SNRPD3: variants seen among roughly 807,000 people sequenced by gnomAD.
SNRPD3 encodes small nuclear ribonucleoprotein Sm D3.
For synonymous variants in SNRPD3, 66 were observed against 58.4 expected, an observed-to-expected ratio of 1.13 and a Z score of -0.59; for missense variants, 73 against 167.5, an observed-to-expected ratio of 0.44 and a Z score of 3.11.
At chr22:24,567,878 C>A in intron 2 of SNRPD3, 106 bp from the exon 3 acceptor site, 1 of 811,006 alleles carries the variant, frequency 1.2e-6, no homozygotes, top group Non-Finnish European at 2.0e-6. Flanking sequence ...CCAGCTTTGT[C>A]ACAATGTCAG....
intron 1 of SNRPD3, among the ~76,000 whole-genome samples, chr22:24,557,029 G>C (rs1033789301): frequency 3.9e-5 from 6 of 152,306 alleles, no homozygotes; most frequent in Middle Eastern, 3.4e-3. Flanking sequence ...TAAAAGTACA[G>C]CCTGCTCTCC....
At position 24,574,911 on chromosome 22, in the gene SNRPD3, A is replaced by C. The variant is rs2045277380; in HGVS notation, c.*2934A>C. ...TCTCACCCATCTCCCTGATATTGTA[A>C]TTCTGGTTAGATCATATTCAGTGTC... On this transcript the variant is annotated 3_prime_UTR_variant, in exon 4 of 4. Transcript: ENST00000215829. 6.6e-6 allele frequency among the ~76,000 whole-genome samples: 1 copy of C among 152,154 alleles called. No individual in the cohort carries two copies. The highest frequency in any genetic ancestry group is 1.5e-5 in the Non-Finnish European group (1 of 68,022).
At chr22:24,557,573 C>A in intron 1 of SNRPD3, 84 bp from the exon 2 acceptor site, 1 of 935,242 alleles carries the variant, frequency 1.1e-6, no homozygotes, top group Non-Finnish European at 1.7e-6. Context: ...TTATGGAGTG[C>A]CAGGCCTTAA....
At position 24,556,025 on chromosome 22, in the gene SNRPD3, A is replaced by G. The variant is rs1241357344; in HGVS notation, c.-65A>G. 7.9e-6 allele frequency: 5 copies of G among 630,198 alleles called. No individual in the cohort carries two copies. The highest frequency in any genetic ancestry group is 1.4e-5 in the Non-Finnish European group (5 of 363,322). The allele number at this position is 630,198 out of a possible 1,614,324, so 39.0% of individuals were successfully genotyped here. ...TTCGCTTGACTCACGCCTTCGCCGT[A>G]GCATCTTTCGCAGCGGACCGAAGAG... On this transcript the variant is annotated 5_prime_UTR_variant, in exon 1 of 4. Coordinates refer to ENST00000215829, the MANE Select transcript of SNRPD3 (RefSeq NM_004175.5).
At chr22:24,559,105 G>A (rs2045108279) in intron 2 of SNRPD3, among the ~76,000 whole-genome samples, 1 of 152,140 alleles carries the variant, frequency 6.6e-6, no homozygotes, top group Non-Finnish European at 1.5e-5. Flanking sequence ...TTTTCCAGAT[G>A]AGAAGGTCAG....
At chr22:24,561,327 G>C (rs906794573) in intron 2 of SNRPD3, among the ~76,000 whole-genome samples, 1 of 152,028 alleles carries the variant, frequency 6.6e-6, no homozygotes, top group Admixed American at 6.6e-5. Flanking sequence ...TGCTGCCTCA[G>C]TCTCTCAAAC....
intron 3 of SNRPD3, among the ~76,000 whole-genome samples, chr22:24,570,966 A>G (rs1814303596): frequency 6.6e-6 from 1 of 151,932 alleles, no homozygotes; most frequent in Non-Finnish European, 1.5e-5. Flanking sequence ...TTACAGGCGC[A>G]TACCACCACG....
intron 1 of SNRPD3, among the ~76,000 whole-genome samples, chr22:24,556,871 C>T (rs2045076384): frequency 6.6e-6 from 1 of 152,242 alleles, no homozygotes; most frequent in Non-Finnish European, 1.5e-5. Context: ...ATAAAAAGTT[C>T]ACTGCTTGAT....
intron 3 of SNRPD3, among the ~76,000 whole-genome samples, chr22:24,568,928 T>TGA (rs1274246848): frequency 1.3e-5 from 2 of 152,174 alleles, no homozygotes; most frequent in African/African-American, 4.8e-5. Context: ...AGGCTGGTCT[T>TGA]GAAGTCCTGA....
Position 24,561,064 on chromosome 22 carries a change from C to CTTTTTTTTTTTTTTTTTTTTTTTTTTT in SNRPD3, c.126+3289_126+3290insTTTTTTTTTTTTTTTTTTTTTTTTTTT, listed in dbSNP as rs1164120857. On this transcript the variant is annotated intron_variant, in intron 2 of 3. Transcript: ENST00000215829. The stretch of plus-strand genomic sequence containing the variant: ...TTTTTTTTCTTTTCCTTTTTCTTTT[C>CTTTTTTTTTTTTTTTTTTTTTTTTTTT]TTTTTTTTTTTTTTTTTTTTTTTTT... Among the ~76,000 whole-genome samples the CTTTTTTTTTTTTTTTTTTTTTTTTTTT allele has an allele frequency of 6.8e-4, 42 of 61,686 alleles. 2 individuals carry two copies. The highest frequency in any genetic ancestry group is 2.5e-3 in the African/African-American group (33 of 13,074). The allele number at this position is 61,686 out of a possible 152,430, so 40.5% of individuals were successfully genotyped here.
chr22:24,555,952 C>T (rs1601561193), upstream of SNRPD3: 5 of 992,828 alleles, frequency 5.0e-6, no homozygotes, highest in Non-Finnish European at 7.3e-6. Flanking sequence ...GCGGGCCCTG[C>T]GCGCAGCATT....
At chr22:24,570,975 C>T (rs996925172) in intron 3 of SNRPD3, among the ~76,000 whole-genome samples, 21 of 152,016 alleles carry the variant, frequency 1.4e-4, no homozygotes, top group African/African-American at 4.8e-4. Context: ...CATACCACCA[C>T]GTGCAGCTAA....
intron 2 of SNRPD3, among the ~76,000 whole-genome samples, chr22:24,562,400 C>T (rs951220087): frequency 6.6e-6 from 1 of 152,018 alleles, no homozygotes; most frequent in African/African-American, 2.4e-5. Flanking sequence ...AAAAATTAGC[C>T]AGGTGTGGTG....
Position 24,568,008 on chromosome 22 carries a change from A to C in SNRPD3, c.151A>C (p.Arg51=). 1 of 1,610,524 alleles carries C rather than the reference A, an allele frequency of 6.2e-7. No homozygotes were observed. The highest frequency in any genetic ancestry group is 8.5e-7 in the Non-Finnish European group (1 of 1,178,572). Reference sequence around the variant, plus strand: ...GATGTCCAACATCACAGTCACATACAGAGATGGCCGAGTGGCACAGCTGGA... The same window carrying C: ...GATGTCCAACATCACAGTCACATACCGAGATGGCCGAGTGGCACAGCTGGA... The part of the protein sequence containing the change: ...CQMSNITVTY[R]DGRVAQLEQV... Residue 51 remains arginine (R), a synonymous_variant, in exon 3 of 4, where the codon AGA becomes CGA. Transcript: ENST00000215829.
At chr22:24,559,794 C>T (rs2045115306) in intron 2 of SNRPD3, among the ~76,000 whole-genome samples, 1 of 152,064 alleles carries the variant, frequency 6.6e-6, no homozygotes, top group Non-Finnish European at 1.5e-5. Flanking sequence ...GCTAGTGCTA[C>T]CATAACAAAG....
chr22:24,570,342 AG>A (rs1302424331), intron 3 of SNRPD3, among the ~76,000 whole-genome samples: 9 of 152,230 alleles, frequency 5.9e-5, no homozygotes, highest in African/African-American at 9.6e-5. Context: ...CAAGGACTAT[AG>A]GAGTTACGAG....
intron 3 of SNRPD3, among the ~76,000 whole-genome samples, chr22:24,570,291 T>G (rs1056917307): frequency 2.0e-5 from 3 of 152,256 alleles, no homozygotes; most frequent in Non-Finnish European, 4.4e-5. Context: ...GTCCTGCTTC[T>G]GAGGCCTAAA....
At chr22:24,555,918 C>T, upstream of SNRPD3, 1 of 1,339,394 alleles carries the variant, frequency 7.5e-7, no homozygotes. Context: ...CGAGACCGCG[C>T]TCAACACTGG....
chr22:24,564,428 G>C (rs1365873237), intron 2 of SNRPD3, among the ~76,000 whole-genome samples: 1 of 152,196 alleles, frequency 6.6e-6, no homozygotes, highest in East Asian at 1.9e-4. Context: ...TTCCTGCCTG[G>C]AGTTGATTAG....
Sources: allele counts gnomAD v4.1 joint callset (sites outside exome capture counted in the v4.1 genomes callset), GRCh38; gene constraint gnomAD v4.1.1; transcripts MANE v1.5; gene names NCBI Gene and HGNC (gene_info 2026-07-23, HGNC 2026-07-21).